EPB41: variants seen among roughly 807,000 people sequenced by gnomAD.
The protein encoded by EPB41 is protein 4.1.
A neutral mutation model predicts 108.0 loss-of-function variants in EPB41; 65 were observed. That is an observed-to-expected ratio of 0.60 (90% CI 0.49 to 0.74). The LOEUF is 0.74. Ranked by LOEUF, EPB41 falls within the 30% of genes least tolerant of loss-of-function variation. The pLI is 0.00. For synonymous variants in EPB41, 336 were observed against 358.9 expected (o/e 0.94, Z 0.72); for missense variants, 875 against 1,037.0 (o/e 0.84, Z 2.15).
intron 16 of EPB41, among the ~76,000 whole-genome samples, chr1:29,087,872 T>C (rs1259481168): frequency 1.3e-5 from 2 of 152,172 alleles, no homozygotes; most frequent in East Asian, 3.8e-4. Flanking sequence ...GCAGGAGCCA[T>C]TGACTTTTTA....
chr1:29,058,738 A>G, intron 13 of EPB41, 73 bp from the exon 14 acceptor site: 1 of 1,532,870 alleles, frequency 6.5e-7, no homozygotes, highest in South Asian at 1.2e-5. Flanking sequence ...AAATTATAAA[A>G]TGAAGGTTCA....
intron 1 of EPB41, chr1:28,902,345 G>T: frequency 2.0e-6 from 2 of 985,326 alleles, no homozygotes; most frequent in Non-Finnish European, 2.4e-6. Context: ...TCTAGTTGGG[G>T]CTGTTTGGCT....
intron 20 of EPB41, among the ~76,000 whole-genome samples, chr1:29,116,174 C>T (rs1308213542): frequency 1.0e-4 from 12 of 116,600 alleles, no homozygotes; most frequent in African/African-American, 2.3e-4. Context: ...TTTTTTGAGA[C>T]GGAGTCTCAT....
intron 1 of EPB41, among the ~76,000 whole-genome samples, chr1:28,981,825 G>GT (rs1354121027): frequency 6.6e-6 from 1 of 151,346 alleles, no homozygotes; most frequent in East Asian, 1.9e-4. Flanking sequence ...GTAATATGTG[G>GT]TGGCAGCCCA....
chr1:28,957,792 A>T, intron 1 of EPB41, among the ~76,000 whole-genome samples: 1 of 152,152 alleles, frequency 6.6e-6, no homozygotes, highest in Non-Finnish European at 1.5e-5. Context: ...AATCAATTTC[A>T]GTGAAGTTTA....
chr1:29,023,284 C>T (rs1201352573), intron 7 of EPB41, among the ~76,000 whole-genome samples: 3 of 151,800 alleles, frequency 2.0e-5, no homozygotes, highest in Middle Eastern at 3.4e-3. Flanking sequence ...CGTAAGCCAC[C>T]GTGCTTGGCT....
intron 1 of EPB41, among the ~76,000 whole-genome samples, chr1:28,952,371 C>A (rs2094768235): frequency 6.6e-6 from 1 of 151,964 alleles, no homozygotes; most frequent in African/African-American, 2.4e-5. Flanking sequence ...ACTAAAAATA[C>A]AAAAATTAGC....
chr1:29,058,931 T>C (rs1646027885), intron 14 of EPB41, 79 bp downstream of exon 14: 2 of 1,211,612 alleles, frequency 1.7e-6, no homozygotes, highest in East Asian at 2.5e-5. Context: ...AAGACAGTGA[T>C]CCATTCTTTT....
intron 1 of EPB41, among the ~76,000 whole-genome samples, chr1:28,934,271 G>T (rs1454029590): frequency 6.6e-6 from 1 of 152,104 alleles, no homozygotes; most frequent in Non-Finnish European, 1.5e-5. Flanking sequence ...CCTATCAAGG[G>T]TACATCCTAT....
intron 1 of EPB41, among the ~76,000 whole-genome samples, chr1:28,961,496 C>T (rs10915212): frequency 0.12 from 18,744 of 152,052 alleles, 1,591 homozygotes; most frequent in African/African-American, 0.25. Flanking sequence ...TCTGAACACC[C>T]GGTTTATAGT....
chr1:29,086,286 T>TC (rs991771092), intron 16 of EPB41, among the ~76,000 whole-genome samples: 7 of 151,110 alleles, frequency 4.6e-5, no homozygotes, highest in African/African-American at 1.7e-4. Flanking sequence ...TTTTTTTTTT[T>TC]TTTTTTGAGA....
chr1:29,006,484 G>T (rs532580189), intron 4 of EPB41, among the ~76,000 whole-genome samples: 3 of 151,952 alleles, frequency 2.0e-5, no homozygotes, highest in East Asian at 1.9e-4. Context: ...TGATCCACCC[G>T]CCTGGGCCTG....
intron 10 of EPB41, among the ~76,000 whole-genome samples, chr1:29,037,023 A>G (rs546561365): frequency 6.6e-6 from 1 of 151,964 alleles, no homozygotes; most frequent in South Asian, 2.1e-4. Flanking sequence ...GAAACCCAGA[A>G]AGGGAGCACA....
At chr1:29,037,098 CTGTT>C (rs1054845754) in intron 10 of EPB41, among the ~76,000 whole-genome samples, 5 of 151,586 alleles carry the variant, frequency 3.3e-5, no homozygotes, top group Non-Finnish European at 5.9e-5. Context: ...ATTTCCTCTG[CTGTT>C]TGTTTGTTTG....
At chr1:28,921,938 T>TTA (rs66808636) in intron 1 of EPB41, among the ~76,000 whole-genome samples, 15,728 of 102,500 alleles carry the variant, frequency 0.15, 1,836 homozygotes, top group African/African-American at 0.29. Context: ...TTATGAAATT[T>TTA]TATATATATA....
chr1:28,957,364 A>C (rs946825233), intron 1 of EPB41, among the ~76,000 whole-genome samples: 1 of 152,254 alleles, frequency 6.6e-6, no homozygotes, highest in Non-Finnish European at 1.5e-5. Context: ...ATAATAAAAA[A>C]GGAAAGGAAA....
At chr1:29,103,426 T>G (rs111412975) in intron 17 of EPB41, among the ~76,000 whole-genome samples, 82 of 152,320 alleles carry the variant, frequency 5.4e-4, no homozygotes, top group African/African-American at 1.9e-3. Context: ...AGGTCTTAAT[T>G]CCGACATTTG....
At chr1:29,047,766 TTATG>T (rs568654460) in intron 11 of EPB41, among the ~76,000 whole-genome samples, 6 of 151,546 alleles carry the variant, frequency 4.0e-5, no homozygotes, top group Admixed American at 6.6e-5. Flanking sequence ...AATTGACAAT[TTATG>T]TATGTATGTA....
intron 1 of EPB41, among the ~76,000 whole-genome samples, chr1:28,924,499 A>G (rs2093330137): frequency 6.6e-6 from 1 of 152,074 alleles, no homozygotes; most frequent in Admixed American, 6.6e-5. Context: ...ACTGCACTCC[A>G]GCTCTGGGTG....
Sources: gnomAD v4.1 joint callset for allele counts (sites outside exome capture counted in the v4.1 genomes callset) on GRCh38, gnomAD v4.1.1 for gene constraint, MANE v1.5 for transcripts, NCBI Gene and HGNC (gene_info 2026-07-23, HGNC 2026-07-21) for gene names.